DPEP1: variants seen among roughly 807,000 people sequenced by gnomAD.
The protein encoded by DPEP1 is beta-lactamase.
DPEP1 carries 50 observed loss-of-function variants against 42.3 expected under a neutral mutation model. That is an observed-to-expected ratio of 1.18 (90% CI 0.94 to 1.50). The LOEUF is 1.50. Among genes scored for constraint, DPEP1 ranks in the 40% most tolerant of loss-of-function variants. The pLI is 0.00. For missense variants in DPEP1, 663 were observed against 553.0 expected (o/e 1.20, Z -1.99); for synonymous variants, 297 against 234.0 (o/e 1.27, Z -2.46).
In DPEP1 at chr16:89,638,120, G is replaced by T. The variant is rs141572290; in HGVS notation, c.1134G>T (p.Arg378Ser). 231 of 1,612,218 alleles carry T rather than the reference G, an allele frequency of 1.4e-4. No individual in the cohort carries two copies. The highest frequency in any genetic ancestry group is 1.7e-4 in the Admixed American group (10 of 59,976). The change falls in exon 11 of 11, where the codon AGG becomes AGT. Residue 378 changes from arginine to serine, a missense_variant. By Grantham distance (110) the Arg-to-Ser change is moderately radical. Coordinates refer to ENST00000690203, the MANE Select transcript of DPEP1 (RefSeq NM_001389466.1). ...TGGACCAGCTGGGTGGCTCCTGCAGGACCCATTACGGCTACTCCTCTGGGG... is the reference window on the plus strand; with the variant it reads ...TGGACCAGCTGGGTGGCTCCTGCAGTACCCATTACGGCTACTCCTCTGGGG... ...IPLDQLGGSC[R>S]THYGYSSGAS...
At chr16:89,622,241 T>C (rs778854677) in intron 1 of DPEP1, among the ~76,000 whole-genome samples, 44 of 152,158 alleles carry the variant, frequency 2.9e-4, no homozygotes, top group Non-Finnish European at 5.6e-4. Context: ...ACCCCAGCTC[T>C]CTCCCTAAGC....
chr16:89,630,331 C>A lies in DPEP1; in HGVS notation c.-80C>A. ...CAGAGTGGCTCCTCACAGCCTGAAG[C>A]TCATCCTTCTGCACGGGCCAGCCAG... On this transcript the variant is annotated 5_prime_UTR_variant, in exon 2 of 11. Coordinates refer to ENST00000690203, the MANE Select transcript of DPEP1 (RefSeq NM_001389466.1). The A allele has an allele frequency of 8.4e-7, 1 of 1,196,580 alleles. No homozygotes were observed. Among genetic ancestry groups the A allele is most frequent in the Non-Finnish European group, 1.2e-6 (1 of 828,996 alleles). The allele number at this position is 1,196,580 out of a possible 1,614,324, so 74.1% of individuals were successfully genotyped here.
Position 89,636,407 on chromosome 16 carries a change from G to A in DPEP1, c.370+11G>A. 6.2e-7 allele frequency: 1 copy of A among 1,608,776 alleles called. No homozygotes were observed. The highest frequency in any genetic ancestry group is 8.5e-7 in the Non-Finnish European group (1 of 1,177,562). ...TCACCAGCAGTGCAGGTGGGGTCCTGACCTGGGTCCTCCAGGTCCTGCGTC... is the reference window on the plus strand; with the variant it reads ...TCACCAGCAGTGCAGGTGGGGTCCTAACCTGGGTCCTCCAGGTCCTGCGTC... On this transcript the variant is annotated intron_variant, in intron 4 of 10. Transcript: ENST00000690203.
chr16:89,635,268 C>G (rs564207599), intron 2 of DPEP1, among the ~76,000 whole-genome samples: 1 of 151,660 alleles, frequency 6.6e-6, no homozygotes, highest in African/African-American at 2.4e-5. Context: ...TCACCACCAC[C>G]AGCTCCTGGG....
intron 1 of DPEP1, among the ~76,000 whole-genome samples, chr16:89,623,989 A>T (rs2059476633): frequency 1.3e-5 from 2 of 152,156 alleles, no homozygotes; most frequent in Admixed American, 6.6e-5. Flanking sequence ...AGCCGGGCCC[A>T]TCCACCACAC....
intron 1 of DPEP1, among the ~76,000 whole-genome samples, chr16:89,628,023 T>C (rs194479): frequency 0.78 from 118,991 of 151,910 alleles, 46,897 homozygotes; most frequent in African/African-American, 0.87. Flanking sequence ...CCCGGGTTCA[T>C]GCCATTCTCC....
downstream of DPEP1, among the ~76,000 whole-genome samples, chr16:89,641,010 CCT>C (rs2059739001): frequency 6.6e-6 from 1 of 152,166 alleles, no homozygotes; most frequent in Non-Finnish European, 1.5e-5. Flanking sequence ...GGGGCCCTTC[CCT>C]GTTTGGCAGC....
rs150320659 is a variant in DPEP1, at chr16:89,637,345, C to G, written c.733C>G (p.Arg245Gly). ...HSSAYSVCASRRNVPDDVLRL... is the reference protein window; with the variant it reads ...HSSAYSVCASGRNVPDDVLRL... ...CTCGGCCTACAGCGTGTGCGCAAGC[C>G]GGCGCAACGTGCCTGACGACGTCCT... The change falls in exon 7 of 11, where the codon CGG becomes GGG. Residue 245 changes from arginine (R) to glycine (G), a missense_variant. By Grantham distance (125) the Arg-to-Gly change is moderately radical. Coordinates refer to ENST00000690203, the MANE Select transcript of DPEP1 (RefSeq NM_001389466.1). 1 of 1,612,382 alleles carries G rather than the reference C, an allele frequency of 6.2e-7. No homozygotes were observed. Among genetic ancestry groups the G allele is most frequent in the Admixed American group, 1.7e-5 (1 of 60,006 alleles).
At chr16:89,620,692 T>A (rs1234548799) in intron 1 of DPEP1, 1 of 152,022 alleles carries the variant, frequency 6.6e-6, no homozygotes, top group Non-Finnish European at 1.5e-5. Context: ...CCCCAAGCCT[T>A]GTGACCTGGG....
At chr16:89,620,972 A>C (rs2151480424) in intron 1 of DPEP1, among the ~76,000 whole-genome samples, 2 of 152,248 alleles carry the variant, frequency 1.3e-5, no homozygotes, top group South Asian at 4.2e-4. Context: ...ACAGGCAGTG[A>C]AGGGCGAGAG....
downstream of DPEP1, among the ~76,000 whole-genome samples, chr16:89,640,201 G>C (rs976366782): frequency 6.6e-6 from 1 of 152,186 alleles, no homozygotes; most frequent in Admixed American, 6.5e-5. Context: ...GACCCCCCAC[G>C]CTGCTGCTGC....
At chr16:89,641,066 C>G (rs1443489784), downstream of DPEP1, among the ~76,000 whole-genome samples, 1 of 152,206 alleles carries the variant, frequency 6.6e-6, no homozygotes, top group African/African-American at 2.4e-5. Flanking sequence ...ATTATTTCTT[C>G]TATGCATTTC....
At chr16:89,624,131 G>A (rs948421730) in intron 1 of DPEP1, among the ~76,000 whole-genome samples, 2 of 152,176 alleles carry the variant, frequency 1.3e-5, no homozygotes, top group African/African-American at 4.8e-5. Flanking sequence ...AATTCCTGCC[G>A]ACCCGCTGCT....
chr16:89,635,887 C>T (rs748189119), intron 2 of DPEP1, 21 bp from the exon 3 acceptor site: 2 of 1,576,404 alleles, frequency 1.3e-6, no homozygotes, highest in Non-Finnish European at 1.7e-6. Context: ...GACTGCCTGG[C>T]CTCTCCCCGG....
At position 89,638,374 on chromosome 16, in the gene DPEP1, C is replaced by T. The variant is rs1297498479; in HGVS notation, c.*152C>T. On this transcript the variant is annotated 3_prime_UTR_variant, in exon 11 of 11. Coordinates refer to ENST00000690203, the MANE Select transcript of DPEP1 (RefSeq NM_001389466.1). ...TGGGCTTACCTGGGGGGCAGGATGC[C>T]TGGGGACAGTTCAGGACACACACAC... is the stretch of plus-strand genomic sequence containing the variant. 2.8e-6 allele frequency: 4 copies of T among 1,423,334 alleles called. No homozygotes were observed. The highest frequency in any genetic ancestry group is 1.4e-5 in the African/African-American group (1 of 69,440). The allele number at this position is 1,423,334 out of a possible 1,614,324, so 88.2% of individuals were successfully genotyped here. A position where few individuals can be genotyped will look rare whatever the true frequency, so the allele number is the denominator to read the frequency against.
intron 1 of DPEP1, among the ~76,000 whole-genome samples, chr16:89,615,791 C>G (rs1009161054): frequency 6.6e-6 from 1 of 152,170 alleles, no homozygotes; most frequent in Non-Finnish European, 1.5e-5. Flanking sequence ...GCGGTCAACA[C>G]GGGGGCCCCG....
intron 1 of DPEP1, among the ~76,000 whole-genome samples, chr16:89,627,210 T>C (rs1257114738): frequency 6.7e-6 from 1 of 149,604 alleles, no homozygotes; most frequent in African/African-American, 2.5e-5. Context: ...GAGGCAGAGC[T>C]TGCAGTGAGC....
intron 1 of DPEP1, among the ~76,000 whole-genome samples, chr16:89,627,464 T>G (rs2059529569): frequency 6.6e-6 from 1 of 150,898 alleles, no homozygotes; most frequent in Non-Finnish European, 1.5e-5. Flanking sequence ...GCGCCTGTAA[T>G]CCCAGCTACT....
chr16:89,639,978 C>A (rs1016134722), downstream of DPEP1, among the ~76,000 whole-genome samples: 3 of 152,162 alleles, frequency 2.0e-5, no homozygotes, highest in African/African-American at 7.2e-5. Context: ...CCCAGCCCAG[C>A]CTCTTTTGGT....
Sources: gnomAD v4.1 joint callset for allele counts (sites outside exome capture counted in the v4.1 genomes callset) on GRCh38, gnomAD v4.1.1 for gene constraint, MANE v1.5 for transcripts, NCBI Gene and HGNC (gene_info 2026-07-23, HGNC 2026-07-21) for gene names.